The following USP10 variants were observed in gnomAD, a reference collection of about 807,000 sequenced individuals.
USP10 encodes ubiquitin carboxyl-terminal hydrolase 10.
A neutral mutation model predicts 84.5 loss-of-function variants in USP10; 22 were observed. That is an observed-to-expected ratio of 0.26 (90% CI 0.19 to 0.37). USP10 has a LOEUF of 0.37. Among genes scored for constraint, USP10 ranks in the 10% least tolerant of loss-of-function variants. The probability of loss-of-function intolerance (pLI) is 1.00; values close to 1 mark genes in which losing one functional copy is unlikely to be tolerated. For synonymous variants in USP10, 454 were observed against 387.6 expected (o/e 1.17, Z -2.01); for missense variants, 1,019 against 998.9 (o/e 1.02, Z -0.27).
chr16:84,731,335 A>C (rs1018206317), intron 1 of USP10, among the ~76,000 whole-genome samples: 2 of 151,782 alleles, frequency 1.3e-5, no homozygotes, highest in Non-Finnish European at 2.9e-5. Flanking sequence ...GCCATAGGCA[A>C]TGTGCACAGA....
rs1212114269 is a variant in USP10, at chr16:84,700,124, C to G, written c.21+13C>G. The G allele has an allele frequency of 1.5e-6, 2 of 1,341,474 alleles. No individual in the cohort carries two copies. Among genetic ancestry groups the G allele is most frequent in the Non-Finnish European group, 9.8e-7 (1 of 1,024,796 alleles). The allele number at this position is 1,341,474 out of a possible 1,614,324, so 83.1% of individuals were successfully genotyped here. On this transcript the variant is annotated intron_variant, in intron 1 of 13. Transcript: ENST00000219473. ...CCACAGCCCGCAGGTAGCCGCCGGT[C>G]TGCGCCTTCGGCCGGAAGGGGCCCG... is the stretch of plus-strand genomic sequence containing the variant.
intron 8 of USP10, among the ~76,000 whole-genome samples, chr16:84,760,981 T>TGAA (rs1597383047): frequency 6.6e-6 from 1 of 152,216 alleles, no homozygotes; most frequent in East Asian, 1.9e-4. Flanking sequence ...TTCATTGCTT[T>TGAA]GAAGAAGAGT....
In USP10 at chr16:84,700,011, T is replaced by G. The variant is rs1339227231; in HGVS notation, c.-80T>G. ...GCGGCGGCCGATGCGAGTGTGTATG[T>G]GCGGGCGAGAAGATGGCGGCGGCGG... On this transcript the variant is annotated 5_prime_UTR_variant, in exon 1 of 14. Transcript: ENST00000219473. The G allele has an allele frequency of 3.9e-5, 50 of 1,293,456 alleles. No individual in the cohort carries two copies. The highest frequency in any genetic ancestry group is 4.8e-5 in the Non-Finnish European group (48 of 990,124). The allele number at this position is 1,293,456 out of a possible 1,614,324, so 80.1% of individuals were successfully genotyped here.
In USP10 at chr16:84,772,835, C is replaced by A. The variant is rs1347675731; in HGVS notation, c.2143+150C>A. 6.5e-6 allele frequency: 7 copies of A among 1,080,660 alleles called. No individual in the cohort carries two copies. In the South Asian group the frequency reaches 1.3e-4, roughly 21 times the overall value. The allele number at this position is 1,080,660 out of a possible 1,614,324, so 66.9% of individuals were successfully genotyped here. A position where few individuals can be genotyped will look rare whatever the true frequency, so the allele number is the denominator to read the frequency against. On this transcript the variant is annotated intron_variant, in intron 12 of 13. Transcript: ENST00000219473. ...TTTAAGTTTCTTGACTTGTAATAGA[C>A]CTTAATACTAAAATTCTCATGAAAA...
At chr16:84,756,664 C>T (rs1912582688) in intron 4 of USP10, among the ~76,000 whole-genome samples, 1 of 152,080 alleles carries the variant, frequency 6.6e-6, no homozygotes, top group Non-Finnish European at 1.5e-5. Flanking sequence ...AAAAAAAAGT[C>T]ATTTGATATA....
intron 1 of USP10, among the ~76,000 whole-genome samples, chr16:84,706,192 A>G (rs1012231607): frequency 5.9e-5 from 9 of 151,466 alleles, no homozygotes; most frequent in African/African-American, 2.2e-4. Context: ...CTCCCTATTC[A>G]TTCTGCAAGT....
chr16:84,754,900 G>C (rs928594689), intron 4 of USP10, among the ~76,000 whole-genome samples: 8 of 151,998 alleles, frequency 5.3e-5, no homozygotes, highest in African/African-American at 1.9e-4. Flanking sequence ...CAGCACTTTG[G>C]GAATCCAAGG....
At chr16:84,746,453 C>T (rs1046772362) in intron 4 of USP10, among the ~76,000 whole-genome samples, 5 of 152,202 alleles carry the variant, frequency 3.3e-5, no homozygotes, top group African/African-American at 1.2e-4. Flanking sequence ...GTGGTGCAGC[C>T]TATTACTCCC....
rs765758460 is a variant in USP10 at position 84,744,926 on chromosome 16, C to T, written c.445C>T (p.Arg149Cys). The part of the protein sequence containing the change: ...GVSGGLGQRE[R>C]KKKKKRPPGY... ...CTCAGGTGGTCTTGGACAAAGGGAGCGTAAAAAGAAGAAAAAGCGGCCACC... is the reference window on the plus strand; with the variant it reads ...CTCAGGTGGTCTTGGACAAAGGGAGTGTAAAAAGAAGAAAAAGCGGCCACC... The change falls in exon 4 of 14, where the codon CGT (arginine) becomes TGT (cysteine). Residue 149 changes from arginine (R) to cysteine (C), a missense_variant. Around this residue, in one of 2 missense-constraint regions of USP10, gnomAD observed 787 missense variants for 708.8 expected, o/e 1.11. Transcript: ENST00000219473. 1.2e-5 allele frequency: 19 copies of T among 1,613,412 alleles called. No homozygotes were observed. The South Asian group carries it at 1.9e-4, about 16-fold the overall frequency.
chr16:84,774,815 T>C (rs1914824978), intron 12 of USP10, among the ~76,000 whole-genome samples: 4 of 152,218 alleles, frequency 2.6e-5, no homozygotes, highest in African/African-American at 9.6e-5. Flanking sequence ...ATTTTAATTC[T>C]TGCCTTGGAT....
chr16:84,750,059 C>G (rs1020279639), intron 4 of USP10, among the ~76,000 whole-genome samples: 5 of 152,122 alleles, frequency 3.3e-5, no homozygotes, highest in African/African-American at 1.2e-4. Context: ...ATCTGTGTTT[C>G]AGTGACTGGT....
At chr16:84,732,393 T>A in intron 1 of USP10, 2 of 384,618 alleles carry the variant, frequency 5.2e-6, no homozygotes, top group South Asian at 3.9e-5. Flanking sequence ...AATGAATCAT[T>A]GCTTCTCCGT....
intron 10 of USP10, among the ~76,000 whole-genome samples, chr16:84,767,675 AAT>A (rs2150864053): frequency 6.6e-6 from 1 of 152,362 alleles, no homozygotes; most frequent in Non-Finnish European, 1.5e-5. Context: ...TGGAAAATGA[AAT>A]ATGTTTTCTT....
Position 84,745,520 on chromosome 16 carries a change from C to A in USP10, c.1039C>A (p.His347Asn). Reference protein sequence around the residue: ...SQPKSWASLFHDSKPSSSSPV... With the variant: ...SQPKSWASLFNDSKPSSSSPV... ...GCCCAAGTCCTGGGCCAGCCTCTTT[C>A]ATGATTCTAAGCCCTCTTCCTCCTC... Residue 347 changes from histidine to asparagine, a missense_variant, in exon 4 of 14, where the codon CAT becomes AAT. Physicochemically the swap from His to Asn is moderately conservative, Grantham distance 68. Transcript: ENST00000219473. 2 of 1,613,518 alleles carry A rather than the reference C, an allele frequency of 1.2e-6. No individual in the cohort carries two copies. The highest frequency in any genetic ancestry group is 1.7e-6 in the Non-Finnish European group (2 of 1,179,620).
chr16:84,762,858 G>A (rs1425695668), intron 8 of USP10, 131 bp from the exon 9 acceptor site: 2 of 545,262 alleles, frequency 3.7e-6, no homozygotes, highest in Non-Finnish European at 6.6e-6. Context: ...ATGTCATCAT[G>A]TCATTGTTTG....
At chr16:84,763,387 T>G (rs1913435439) in intron 9 of USP10, among the ~76,000 whole-genome samples, 1 of 152,230 alleles carries the variant, frequency 6.6e-6, no homozygotes, top group South Asian at 2.1e-4. Context: ...TAAACATATT[T>G]TCTGATGCTA....
chr16:84,739,991 T>G (rs552840797), intron 2 of USP10, among the ~76,000 whole-genome samples: 1 of 152,340 alleles, frequency 6.6e-6, no homozygotes, highest in East Asian at 1.9e-4. Context: ...TGACATCCTG[T>G]GGAAAGAAGG....
At chr16:84,777,755 C>T (rs530388053) in intron 13 of USP10, among the ~76,000 whole-genome samples, 11 of 152,338 alleles carry the variant, frequency 7.2e-5, no homozygotes, top group South Asian at 6.2e-4. Flanking sequence ...GTGACAACTG[C>T]GACTAGAACC....
At chr16:84,737,893 G>C (rs1231035538) in intron 2 of USP10, among the ~76,000 whole-genome samples, 1 of 152,162 alleles carries the variant, frequency 6.6e-6, no homozygotes, top group East Asian at 1.9e-4. Context: ...TCCACCCTCA[G>C]TCAGCGCCAC....
Sources: gnomAD v4.1 joint callset for allele counts (sites outside exome capture counted in the v4.1 genomes callset) on GRCh38, gnomAD v4.1.1 for gene constraint, gnomAD v4.1.1 regional missense constraint, MANE v1.5 for transcripts, NCBI Gene and HGNC (gene_info 2026-07-23, HGNC 2026-07-21) for gene names.